Variants in DDX1 observed in about 807,000 individuals in gnomAD.
DDX1 encodes DEAD-box helicase 1.
In DDX1, 28 loss-of-function variants were observed where a neutral mutation model predicts 108.7. The ratio of observed to expected loss-of-function variants is 0.26; its 90% CI spans 0.19 to 0.35. DDX1 has a LOEUF of 0.35. Among genes scored for constraint, DDX1 ranks in the 10% least tolerant of loss-of-function variants. The pLI is 1.00. For missense variants in DDX1, 710 were observed against 884.5 expected (o/e 0.80, Z 2.50); for synonymous variants, 295 against 288.9 (o/e 1.02, Z -0.21).
At chr2:15,630,725 GTTAT>G in intron 25 of DDX1, 47 bp from the exon 26 acceptor site, 1 of 1,577,776 alleles carries the variant, frequency 6.3e-7, no homozygotes, top group African/African-American at 1.3e-5. Flanking sequence ...TTGCTGACAA[GTTAT>G]TTCAAGCATG....
intron 13 of DDX1, 131 bp from the exon 14 acceptor site, chr2:15,613,093 A>T (rs1665826930): frequency 3.2e-6 from 2 of 631,200 alleles, no homozygotes; most frequent in Non-Finnish European, 2.7e-6. Flanking sequence ...GACTTGTTTT[A>T]TTGTAGGCTT....
At chr2:15,596,212 T>C (rs568139201) in intron 3 of DDX1, among the ~76,000 whole-genome samples, 13 of 152,276 alleles carry the variant, frequency 8.5e-5, no homozygotes, top group African/African-American at 2.4e-4. Context: ...AAATGCTTTT[T>C]AGGTAGAGAG....
At chr2:15,629,127 T>C (rs1666149390) in intron 23 of DDX1, among the ~76,000 whole-genome samples, 1 of 152,174 alleles carries the variant, frequency 6.6e-6, no homozygotes, top group Non-Finnish European at 1.5e-5. Context: ...AGACCTTTCA[T>C]GGTGAGGGGA....
chr2:15,608,243 A>G (rs1665697198), intron 13 of DDX1, among the ~76,000 whole-genome samples: 1 of 152,184 alleles, frequency 6.6e-6, no homozygotes. Context: ...AAAGTGCACA[A>G]TTCAGCCAGG....
At position 15,595,569 on chromosome 2, in the gene DDX1, G is replaced by T; in HGVS notation, c.132+16G>T. Reference sequence around the variant, plus strand: ...TGTACTTATGGTAAGTTTAAATTTGGTGAGGTGATTGGTAGCTGGGGACAC... The same window carrying T: ...TGTACTTATGGTAAGTTTAAATTTGTTGAGGTGATTGGTAGCTGGGGACAC... On this transcript the variant is annotated intron_variant, in intron 3 of 25. Coordinates refer to ENST00000233084, the MANE Select transcript of DDX1 (RefSeq NM_004939.3). 1 of 1,576,252 alleles carries T rather than the reference G, an allele frequency of 6.3e-7. No individual in the cohort carries two copies. Among genetic ancestry groups the T allele is most frequent in the Non-Finnish European group, 8.7e-7 (1 of 1,145,376 alleles).
intron 19 of DDX1, among the ~76,000 whole-genome samples, chr2:15,624,933 G>A (rs879781051): frequency 5.9e-5 from 9 of 152,028 alleles, no homozygotes; most frequent in Non-Finnish European, 1.3e-4. Context: ...GCTGTCTTAT[G>A]GCCTAGCAAT....
Position 15,618,261 on chromosome 2 carries a change from A to G in DDX1, c.1197A>G (p.Lys399=). ...TTCCTCAGGTTACCTCTGATGGAAAAAGACTTCAGGTATAAAATTTATCAA... is the reference window on the plus strand; with the variant it reads ...TTCCTCAGGTTACCTCTGATGGAAAGAGACTTCAGGTATAAAATTTATCAA... ...NQIPQVTSDG[K]RLQVIVCSAT... Residue 399 remains lysine, a synonymous_variant, in exon 16 of 26, where the codon AAA becomes AAG. Coordinates refer to ENST00000233084, the MANE Select transcript of DDX1 (RefSeq NM_004939.3). 1 of 1,544,916 alleles carries G rather than the reference A, an allele frequency of 6.5e-7. No individual in the cohort carries two copies. The highest frequency in any genetic ancestry group is 8.9e-7 in the Non-Finnish European group (1 of 1,122,680).
intron 13 of DDX1, among the ~76,000 whole-genome samples, chr2:15,608,663 G>GTTTTTTTTTTTTTTTTTTTTTT (rs569566545): frequency 9.4e-6 from 1 of 106,730 alleles, no homozygotes. Context: ...TTTTTTTTAG[G>GTTTTTTTTTTTTTTTTTTTTTT]TTTTTTTTTT....
chr2:15,612,618 A>G (rs1377094545), intron 13 of DDX1, among the ~76,000 whole-genome samples: 1 of 151,920 alleles, frequency 6.6e-6, no homozygotes, highest in Non-Finnish European at 1.5e-5. Flanking sequence ...GGCCGGGCAG[A>G]GGCTGCAATC....
At position 15,602,739 on chromosome 2, in the gene DDX1, G is replaced by A. The variant is rs530349354; in HGVS notation, c.391+108G>A. 356 of 833,764 alleles carry A rather than the reference G, an allele frequency of 4.3e-4. 1 individual carries two copies. The African/African-American group carries it at 5.4e-3, about 13-fold the overall frequency. The allele number at this position is 833,764 out of a possible 1,614,324, so 51.6% of individuals were successfully genotyped here. On this transcript the variant is annotated intron_variant, in intron 7 of 25. Transcript: ENST00000233084. ...TTTTTGAGATGGAGTCTCGCACGTC[G>A]CCCGGGCTGGAGGGCCCGGGCTGGA...
intron 13 of DDX1, among the ~76,000 whole-genome samples, chr2:15,610,647 C>T (rs1264082359): frequency 6.6e-6 from 1 of 152,196 alleles, no homozygotes; most frequent in Non-Finnish European, 1.5e-5. Context: ...TCCTTCAGGG[C>T]ATTTTATATA....
intron 14 of DDX1, 77 bp from the exon 15 acceptor site, chr2:15,617,167 C>T: frequency 1.7e-6 from 1 of 589,160 alleles, no homozygotes; most frequent in East Asian, 3.1e-5. Flanking sequence ...ATTAAAAAGA[C>T]AGTTATTGGT....
At chr2:15,600,780 G>A (rs1217614885) in intron 6 of DDX1, among the ~76,000 whole-genome samples, 5 of 111,366 alleles carry the variant, frequency 4.5e-5, no homozygotes, top group Non-Finnish European at 6.6e-5. Context: ...ACAGAGTCTC[G>A]CTCTGTTGCC....
At chr2:15,600,119 G>A (rs1435960249) in intron 6 of DDX1, among the ~76,000 whole-genome samples, 4 of 152,210 alleles carry the variant, frequency 2.6e-5, no homozygotes, top group Admixed American at 2.0e-4. Context: ...TAATTTAGCA[G>A]TGGCAAAACT....
intron 13 of DDX1, among the ~76,000 whole-genome samples, 154 bp from the exon 14 acceptor site, chr2:15,613,070 G>A (rs1365789369): frequency 1.3e-5 from 2 of 152,054 alleles, no homozygotes; most frequent in Non-Finnish European, 2.9e-5. Context: ...TGTAACCTTT[G>A]TAACTTCCCC....
chr2:15,600,130 T>A (rs1665567781), intron 6 of DDX1, among the ~76,000 whole-genome samples: 1 of 152,200 alleles, frequency 6.6e-6, no homozygotes, highest in South Asian at 2.1e-4. Flanking sequence ...TGGCAAAACT[T>A]TCCTAACCCA....
rs569494398 is a variant in DDX1 at position 15,597,810 on chromosome 2, AT to A, written c.259+343del. Reference sequence around the variant, plus strand: ...CATTTTACAAAAATATTAAGGAAGGATTTTACAAATAATTTATGGAGTAAAA... The same window carrying A: ...CATTTTACAAAAATATTAAGGAAGGATTTACAAATAATTTATGGAGTAAAA... On this transcript the variant is annotated intron_variant, in intron 5 of 25. Coordinates refer to ENST00000233084, the MANE Select transcript of DDX1 (RefSeq NM_004939.3). Among the ~76,000 whole-genome samples the A allele has an allele frequency of 3.9e-5, 6 of 152,298 alleles. No homozygotes were observed. The East Asian group carries it at 9.6e-4, about 24-fold the overall frequency.
At chr2:15,602,722 A>C in intron 7 of DDX1, 91 bp downstream of exon 7, 1 of 1,043,682 alleles carries the variant, frequency 9.6e-7, no homozygotes, top group Non-Finnish European at 1.5e-6. Flanking sequence ...TGTTTTTGAG[A>C]TGGAGTCTCG....
intron 20 of DDX1, among the ~76,000 whole-genome samples, chr2:15,628,241 T>C (rs1458227915): frequency 6.6e-6 from 1 of 152,186 alleles, no homozygotes; most frequent in African/African-American, 2.4e-5. Context: ...CAATCTCTGA[T>C]TTAATCACCT....
Sources: allele counts gnomAD v4.1 joint callset (sites outside exome capture counted in the v4.1 genomes callset), GRCh38; gene constraint gnomAD v4.1.1; transcripts MANE v1.5; gene names NCBI Gene and HGNC (gene_info 2026-07-23, HGNC 2026-07-21).